The following FOXN2 variants were observed in gnomAD, a reference collection of about 807,000 sequenced individuals.
The protein encoded by FOXN2 is forkhead box protein N2.
FOXN2 carries 19 observed loss-of-function variants against 41.2 expected under a neutral mutation model. The ratio of observed to expected loss-of-function variants is 0.46; its 90% CI spans 0.32 to 0.68. The LOEUF (loss-of-function observed/expected upper bound fraction) is 0.68, where lower values mean the gene tolerates loss of function less well. FOXN2 is among the 30% of genes least tolerant of loss of function. The pLI is 0.03. For synonymous variants in FOXN2, 195 were observed against 176.8 expected (o/e 1.10, Z -0.82); for missense variants, 587 against 509.4 (o/e 1.15, Z -1.47).
At chr2:48,353,845 C>CT (rs892300354) in intron 3 of FOXN2, among the ~76,000 whole-genome samples, 36 of 147,634 alleles carry the variant, frequency 2.4e-4, no homozygotes, top group African/African-American at 7.4e-5. Context: ...TATCCTCTGT[C>CT]TTTTTTTTTT....
chr2:48,315,303 C>A (rs533283032), intron 1 of FOXN2, among the ~76,000 whole-genome samples: 5 of 152,302 alleles, frequency 3.3e-5, no homozygotes, highest in African/African-American at 1.2e-4. Flanking sequence ...TCGGAGTCCT[C>A]GTCCGGCCCC....
chr2:48,372,748 A>G (rs1022424095), intron 5 of FOXN2, among the ~76,000 whole-genome samples: 1 of 152,104 alleles, frequency 6.6e-6, no homozygotes, highest in Non-Finnish European at 1.5e-5. Context: ...AATCATGACT[A>G]AAAACAATAA....
At chr2:48,340,305 T>A (rs115077827) in intron 2 of FOXN2, among the ~76,000 whole-genome samples, 6 of 152,226 alleles carry the variant, frequency 3.9e-5, no homozygotes, top group African/African-American at 1.4e-4. Context: ...CCTTTTCTTA[T>A]GTAGTCTCTG....
chr2:48,366,990 A>G (rs1201969811), intron 5 of FOXN2, among the ~76,000 whole-genome samples: 1 of 152,172 alleles, frequency 6.6e-6, no homozygotes, highest in African/African-American at 2.4e-5. Flanking sequence ...TTTACTGATC[A>G]TTATATTAGA....
Position 48,354,609 on chromosome 2 carries a change from A to G in FOXN2, c.538-4438A>G, listed in dbSNP as rs568420329. Among the ~76,000 whole-genome samples the G allele has an allele frequency of 2.6e-5, 4 of 152,368 alleles. No individual in the cohort carries two copies. The East Asian group carries it at 5.8e-4, about 22-fold the overall frequency. On this transcript the variant is annotated intron_variant, in intron 3 of 6. Coordinates refer to ENST00000340553, the MANE Select transcript of FOXN2 (RefSeq NM_002158.4). The stretch of plus-strand genomic sequence containing the variant: ...GCGAGACTTCGTCTCAAAAACAAAA[A>G]AAAGTGCTGTGCTGATAAATGTTTA...
chr2:48,322,150 G>T (rs548621940), intron 1 of FOXN2, among the ~76,000 whole-genome samples: 2 of 152,272 alleles, frequency 1.3e-5, no homozygotes, highest in East Asian at 3.9e-4. Context: ...GTTTCACCGT[G>T]TTGGCCAGGC....
At chr2:48,340,511 C>G (rs188663036) in intron 2 of FOXN2, among the ~76,000 whole-genome samples, 36 of 151,950 alleles carry the variant, frequency 2.4e-4, no homozygotes, top group Admixed American at 1.4e-3. Flanking sequence ...ATGAGCTGCA[C>G]AACTGTGAAA....
chr2:48,316,404 A>G (rs1258270007), intron 1 of FOXN2, among the ~76,000 whole-genome samples: 1 of 152,246 alleles, frequency 6.6e-6, no homozygotes, highest in Non-Finnish European at 1.5e-5. Context: ...TAATGCAATC[A>G]GAAGTAATTG....
chr2:48,369,569 A>G (rs1200674838), intron 5 of FOXN2, among the ~76,000 whole-genome samples: 3 of 152,146 alleles, frequency 2.0e-5, no homozygotes, highest in African/African-American at 4.8e-5. Flanking sequence ...GAGATATACT[A>G]ATTTTTTAGT....
At chr2:48,326,758 C>T (rs1669704859) in intron 1 of FOXN2, among the ~76,000 whole-genome samples, 1 of 152,086 alleles carries the variant, frequency 6.6e-6, no homozygotes, top group African/African-American at 2.4e-5. Flanking sequence ...TTCAGCATCT[C>T]CAAGGGAAAA....
chr2:48,341,823 A>C (rs1670792606), intron 2 of FOXN2, among the ~76,000 whole-genome samples: 1 of 152,232 alleles, frequency 6.6e-6, no homozygotes, highest in Non-Finnish European at 1.5e-5. Context: ...GCTGAGAAGA[A>C]TCATGTACAA....
chr2:48,318,428 G>T (rs914864363), intron 1 of FOXN2, among the ~76,000 whole-genome samples: 1 of 152,260 alleles, frequency 6.6e-6, no homozygotes, highest in Non-Finnish European at 1.5e-5. Flanking sequence ...TAGGGAGGAA[G>T]ATAACAGAGA....
chr2:48,369,469 C>G (rs1218864432), intron 5 of FOXN2, among the ~76,000 whole-genome samples: 3 of 152,026 alleles, frequency 2.0e-5, no homozygotes, highest in Admixed American at 1.3e-4. Context: ...ACCCAGGAGG[C>G]AGAGGTGGCA....
chr2:48,346,744 A>T lies in FOXN2; in HGVS notation c.530A>T (p.His177Leu), dbSNP rs1465373074. 2 of 1,585,496 alleles carry T rather than the reference A, an allele frequency of 1.3e-6. No homozygotes were observed. The highest frequency in any genetic ancestry group is 2.7e-5 in the African/African-American group (2 of 73,794). Residue 177 changes from histidine (H) to leucine (L), a missense_variant, in exon 3 of 7, where the codon CAT becomes CTT. Transcript: ENST00000340553. ...NKCFQKVERS[H>L]GKVNGKGSLW... The stretch of plus-strand genomic sequence containing the variant: ...TGTTTTCAGAAAGTGGAAAGAAGCC[A>T]TGGCAAGGTCAGTGTTTATGAACAT...
chr2:48,329,252 A>G (rs1669877558), intron 2 of FOXN2, among the ~76,000 whole-genome samples: 1 of 152,218 alleles, frequency 6.6e-6, no homozygotes, highest in Non-Finnish European at 1.5e-5. Flanking sequence ...ACAGAAAATT[A>G]TTAATATTTA....
At chr2:48,350,108 A>T (rs796786055) in intron 3 of FOXN2, among the ~76,000 whole-genome samples, 25 of 152,354 alleles carry the variant, frequency 1.6e-4, no homozygotes, top group Admixed American at 1.4e-3. Context: ...TTAGGCAAAG[A>T]TAGACCTAGA....
chr2:48,364,418 C>G (rs1013364706), intron 5 of FOXN2, among the ~76,000 whole-genome samples: 4 of 151,964 alleles, frequency 2.6e-5, no homozygotes, highest in Non-Finnish European at 5.9e-5. Context: ...TGATATAATT[C>G]CTTTGGGGTT....
chr2:48,326,163 A>T (rs1572700960), intron 1 of FOXN2, among the ~76,000 whole-genome samples: 1 of 152,172 alleles, frequency 6.6e-6, no homozygotes, highest in East Asian at 1.9e-4. Context: ...TTCTCCCAAG[A>T]TCTCCAAGCT....
At chr2:48,317,595 C>CCTTTTTTTTTTTTTTTTTTTT (rs1669006573) in intron 1 of FOXN2, among the ~76,000 whole-genome samples, 3 of 34,744 alleles carry the variant, frequency 8.6e-5, no homozygotes, top group African/African-American at 2.6e-4. Context: ...TATAGTATTG[C>CCTTTTTTTTTTTTTTTTTTTT]TTTTTTTTTT....
Sources: gnomAD v4.1 joint callset for allele counts (sites outside exome capture counted in the v4.1 genomes callset) on GRCh38, gnomAD v4.1.1 for gene constraint, MANE v1.5 for transcripts, NCBI Gene and HGNC (gene_info 2026-07-23, HGNC 2026-07-21) for gene names.